Variants in TTC6 observed in about 807,000 individuals in gnomAD.
TTC6 encodes the protein tetratricopeptide repeat domain 6, also known as tetratricopeptide repeat protein 6.
TTC6 carries 172 observed loss-of-function variants against 210.4 expected under a neutral mutation model. The observed-to-expected ratio is 0.82, with a 90% CI of 0.72 to 0.93. The LOEUF (loss-of-function observed/expected upper bound fraction) is 0.93, where lower values mean the gene tolerates loss of function less well. Ranked by LOEUF, TTC6 falls within the 40% of genes least tolerant of loss-of-function variation. TTC6 has a pLI of 0.00. For missense variants in TTC6, 2,414 were observed against 2,318.1 expected, an observed-to-expected ratio of 1.04 and a Z score of -0.85; for synonymous variants, 804 against 819.6, an observed-to-expected ratio of 0.98 and a Z score of 0.32.
intron 1 of TTC6, among the ~76,000 whole-genome samples, chr14:37,640,587 G>A (rs1343579710): frequency 6.6e-6 from 1 of 152,074 alleles, no homozygotes; most frequent in East Asian, 1.9e-4. Flanking sequence ...TTGTTGCCCA[G>A]GCTGGAGCAC....
intron 1 of TTC6, among the ~76,000 whole-genome samples, chr14:37,644,564 C>T (rs943789230): frequency 6.6e-6 from 1 of 152,162 alleles, no homozygotes; most frequent in African/African-American, 2.4e-5. Context: ...AGCCATATGC[C>T]AAGGTTCACA....
chr14:37,604,455 T>TC (rs1159539673), intron 1 of TTC6, among the ~76,000 whole-genome samples: 2 of 152,084 alleles, frequency 1.3e-5, no homozygotes, highest in East Asian at 3.9e-4. Flanking sequence ...TGTCCCTTCC[T>TC]CCCCCTAGGC....
chr14:37,610,491 C>T (rs1004514531), intron 2 of TTC6, among the ~76,000 whole-genome samples: 3 of 152,138 alleles, frequency 2.0e-5, no homozygotes, highest in Admixed American at 6.5e-5. Flanking sequence ...GAGCAAAGCA[C>T]ATTCATCTAC....
At chr14:37,737,783 C>A (rs1258411392) in intron 9 of TTC6, 49 bp downstream of exon 11, 2 of 1,036,714 alleles carry the variant, frequency 1.9e-6, no homozygotes, top group East Asian at 2.8e-5. Flanking sequence ...ATTTATATTC[C>A]TAGGAATAAT....
At chr14:37,784,687 T>C (rs1269882357) in intron 14 of TTC6, among the ~76,000 whole-genome samples, 2 of 152,208 alleles carry the variant, frequency 1.3e-5, no homozygotes, top group African/African-American at 2.4e-5. Context: ...GTTATTTTGC[T>C]TGTTAGTTGA....
At chr14:37,760,623 C>T (rs564480988) in intron 14 of TTC6, among the ~76,000 whole-genome samples, 1 of 152,308 alleles carries the variant, frequency 6.6e-6, no homozygotes, top group Admixed American at 6.5e-5. Context: ...CACAGCTGCC[C>T]CTTTCCTCAG....
intron 1 of TTC6, among the ~76,000 whole-genome samples, chr14:37,658,795 A>C (rs2095730478): frequency 6.6e-6 from 1 of 152,210 alleles, no homozygotes; most frequent in East Asian, 1.9e-4. Flanking sequence ...TTTTAGGTTC[A>C]GGGGTGCGTA....
chr14:37,661,472 A>G (rs1049244004), intron 1 of TTC6, among the ~76,000 whole-genome samples: 7 of 152,206 alleles, frequency 4.6e-5, no homozygotes, highest in African/African-American at 1.4e-4. Context: ...TGAAGATTAG[A>G]TGCTTGTAGC....
At chr14:37,784,417 GT>G (rs1157324417) in intron 14 of TTC6, among the ~76,000 whole-genome samples, 1 of 152,086 alleles carries the variant, frequency 6.6e-6, no homozygotes, top group Non-Finnish European at 1.5e-5. Flanking sequence ...TTTAAAGTCT[GT>G]TTTATCAGAG....
chr14:37,771,702 C>A (rs1476803014), intron 14 of TTC6, among the ~76,000 whole-genome samples: 1 of 152,186 alleles, frequency 6.6e-6, no homozygotes, highest in Non-Finnish European at 1.5e-5. Flanking sequence ...GTTATACATT[C>A]TTCCAAATTT....
intron 1 of TTC6, among the ~76,000 whole-genome samples, chr14:37,602,064 C>G (rs2095616604): frequency 6.6e-6 from 1 of 152,206 alleles, no homozygotes; most frequent in African/African-American, 2.4e-5. Context: ...TCCGAGGCTG[C>G]GCACCCGGCT....
rs55775703 is a variant in TTC6, at chr14:37,651,425, A to AT, written c.939+28450dup. ...TATATATATATATATATATATATAT[A>AT]TTTTTTTTTTTTTTTTTTTTTTTTT... On this transcript the variant is annotated intron_variant, in intron 1 of 30. Coordinates refer to ENST00000553443, the Ensembl canonical transcript of TTC6. Among the ~76,000 whole-genome samples, 30 of 23,902 alleles carry AT rather than the reference A, an allele frequency of 1.3e-3. 2 individuals carry two copies. Among genetic ancestry groups the AT allele is most frequent in the South Asian group, 2.0e-3 (1 of 510 alleles). The allele number at this position is 23,902 out of a possible 152,430, so 15.7% of individuals were successfully genotyped here. A position where few individuals can be genotyped will look rare whatever the true frequency, so the allele number is the denominator to read the frequency against.
intron 1 of TTC6, among the ~76,000 whole-genome samples, chr14:37,664,706 G>A (rs1034811215): frequency 6.6e-6 from 1 of 150,586 alleles, no homozygotes; most frequent in Non-Finnish European, 1.5e-5. Flanking sequence ...TAATCAGAGT[G>A]AACAGACAAC....
intron 23 of TTC6, among the ~76,000 whole-genome samples, chr14:37,807,860 A>T (rs1450913922): frequency 6.6e-6 from 1 of 152,032 alleles, no homozygotes; most frequent in African/African-American, 2.4e-5. Context: ...GGACTATGGT[A>T]TTTATATAAC....
chr14:37,752,484 A>G (rs897576258), intron 13 of TTC6, among the ~76,000 whole-genome samples: 4 of 150,512 alleles, frequency 2.7e-5, no homozygotes, highest in African/African-American at 7.3e-5. Flanking sequence ...AGAGTAATGC[A>G]GTACATTGAG....
chr14:37,710,899 A>G (rs8022736), intron 5 of TTC6, among the ~76,000 whole-genome samples: 42,348 of 151,856 alleles, frequency 0.28, 5,963 homozygotes, highest in South Asian at 0.38. Context: ...ATCCCAGGAT[A>G]TTCTTATGAT....
Position 37,737,699 on chromosome 14 carries a change from CA to C in TTC6, c.1953del (p.Lys651AsnfsTer10). 2 of 1,524,460 alleles carry C rather than the reference CA, an allele frequency of 1.3e-6. No individual in the cohort carries two copies. Among genetic ancestry groups the C allele is most frequent in the Non-Finnish European group, 1.8e-6 (2 of 1,140,372 alleles). 94.4% of individuals were successfully genotyped at this position (1,524,460 alleles called of 1,614,324 possible). On this transcript the variant is annotated frameshift_variant, in exon 9 of 31. Transcript: ENST00000553443. LOFTEE classifies it high-confidence loss of function. ...AAAATCTGCATCATTTGAAAGTATC[CA>C]AAAATGGTTTAGTGCACAACCTACA...
In TTC6 at chr14:37,725,336, AT is replaced by A. The variant is rs1566912232; in HGVS notation, c.1818+335del. On this transcript the variant is annotated intron_variant, in intron 7 of 30. Coordinates refer to ENST00000553443, the Ensembl canonical transcript of TTC6. ...TGTATATATATATATATATATATAT[AT>A]ATATATATATATATATATATAATTT... is the stretch of plus-strand genomic sequence containing the variant. Among the ~76,000 whole-genome samples the A allele has an allele frequency of 2.5e-3, 248 of 98,936 alleles. 9 individuals carry two copies. The highest frequency in any genetic ancestry group is 8.7e-3 in the African/African-American group (244 of 27,946). 64.9% of individuals were successfully genotyped at this position (98,936 alleles called of 152,430 possible).
intron 1 of TTC6, among the ~76,000 whole-genome samples, chr14:37,606,314 C>T (rs1160850871): frequency 3.3e-5 from 5 of 152,120 alleles, no homozygotes; most frequent in East Asian, 3.9e-4. Context: ...CTTTAGGCCA[C>T]GTTACTTAGT....
Sources: gnomAD v4.1 joint callset for allele counts (sites outside exome capture counted in the v4.1 genomes callset) on GRCh38, gnomAD v4.1.1 for gene constraint, MANE v1.5 for transcripts, NCBI Gene and HGNC (gene_info 2026-07-23, HGNC 2026-07-21) for gene names.